The following ANO10 variants were observed in gnomAD, a reference collection of about 807,000 sequenced individuals.
The protein encoded by ANO10 is anoctamin-10.
A neutral mutation model predicts 74.7 loss-of-function variants in ANO10; 77 were observed. The observed-to-expected ratio is 1.03, with a 90% CI of 0.86 to 1.25. The LOEUF is 1.25. ANO10 is among the 50% of genes most tolerant of loss of function. The probability of loss-of-function intolerance (pLI) is 0.00; values close to 1 mark genes in which losing one functional copy is unlikely to be tolerated. For missense variants in ANO10, 721 were observed against 778.1 expected (o/e 0.93, Z 0.87); for synonymous variants, 279 against 284.9 (o/e 0.98, Z 0.21).
chr3:43,580,350 T>C lies in ANO10; in HGVS notation c.592+3A>G, dbSNP rs775510692. ...CTTTAAGAGAACAAGTACTGACACA[T>C]ACCTATGGGCTGATACTTCAAAGCA... On this transcript the variant is annotated splice_donor_region_variant and intron_variant, in intron 5 of 12. Coordinates refer to ENST00000292246, the MANE Select transcript of ANO10 (RefSeq NM_018075.5). The C allele has an allele frequency of 2.6e-5, 42 of 1,613,552 alleles. No homozygotes were observed. The highest frequency in any genetic ancestry group is 2.2e-5 in the Non-Finnish European group (26 of 1,179,794).
chr3:43,618,494 G>T (rs1458107461), intron 1 of ANO10, among the ~76,000 whole-genome samples: 6 of 152,192 alleles, frequency 3.9e-5, no homozygotes, highest in African/African-American at 1.2e-4. Context: ...TGGCATCTCA[G>T]TAGAAATGCT....
At chr3:43,378,669 C>A (rs987157686) in intron 12 of ANO10, among the ~76,000 whole-genome samples, 5 of 152,156 alleles carry the variant, frequency 3.3e-5, no homozygotes, top group African/African-American at 1.2e-4. Context: ...ACCCTTCCCC[C>A]CAGAGCAGGG....
At chr3:43,441,706 A>G (rs1433378467) in intron 11 of ANO10, among the ~76,000 whole-genome samples, 1 of 152,194 alleles carries the variant, frequency 6.6e-6, no homozygotes, top group Non-Finnish European at 1.5e-5. Flanking sequence ...TAATTTAAAA[A>G]AGAAAACTAT....
At chr3:43,402,689 C>T (rs1378991838) in intron 12 of ANO10, among the ~76,000 whole-genome samples, 3 of 152,142 alleles carry the variant, frequency 2.0e-5, no homozygotes, top group African/African-American at 4.8e-5. Context: ...TTCAAAATGG[C>T]ACCCTGCCCC....
chr3:43,491,429 G>C (rs572635186), intron 11 of ANO10, among the ~76,000 whole-genome samples: 1 of 152,100 alleles, frequency 6.6e-6, no homozygotes, highest in Non-Finnish European at 1.5e-5. Context: ...CACGAGAATC[G>C]CTTGAACCAG....
At chr3:43,415,587 G>A (rs1432759534) in intron 12 of ANO10, among the ~76,000 whole-genome samples, 3 of 151,396 alleles carry the variant, frequency 2.0e-5, no homozygotes, top group Non-Finnish European at 4.4e-5. Flanking sequence ...GCCCAGGCTG[G>A]AGTGCAGTGA....
chr3:43,677,858 G>T (rs914434895), intron 1 of ANO10, among the ~76,000 whole-genome samples: 1 of 152,202 alleles, frequency 6.6e-6, no homozygotes, highest in African/African-American at 2.4e-5. Flanking sequence ...AGATTCTTAA[G>T]TTTCAGCATT....
Position 43,366,419 on chromosome 3 carries a change from A to G in ANO10, c.*487T>C, listed in dbSNP as rs1194065442. 3.0e-5 allele frequency: 7 copies of G among 233,176 alleles called. No homozygotes were observed. The highest frequency in any genetic ancestry group is 6.0e-5 in the Non-Finnish European group (7 of 116,520). The allele number at this position is 233,176 out of a possible 1,614,324, so 14.4% of individuals were successfully genotyped here. ...TGTTAATGTATTGCAAAAGAGAACC[A>G]GGAAAGAGGTCCAGTGTGGGAAGCA... On this transcript the variant is annotated 3_prime_UTR_variant, in exon 13 of 13. Transcript: ENST00000292246.
At chr3:43,547,713 T>TA (rs1391185024) in intron 11 of ANO10, among the ~76,000 whole-genome samples, 1 of 152,212 alleles carries the variant, frequency 6.6e-6, no homozygotes, top group Non-Finnish European at 1.5e-5. Flanking sequence ...AACACGAGAC[T>TA]AGCCACCTGC....
intron 8 of ANO10, among the ~76,000 whole-genome samples, chr3:43,564,925 T>C (rs1056178565): frequency 1.3e-5 from 2 of 152,200 alleles, no homozygotes; most frequent in African/African-American, 4.8e-5. Context: ...AGAAGTCACA[T>C]CCAACTAATA....
intron 11 of ANO10, among the ~76,000 whole-genome samples, chr3:43,453,636 A>G (rs1364651833): frequency 6.6e-6 from 1 of 152,160 alleles, no homozygotes; most frequent in African/African-American, 2.4e-5. Context: ...TATTTTTTGC[A>G]TATAGTGTGG....
At chr3:43,414,940 C>A (rs901908133) in intron 12 of ANO10, among the ~76,000 whole-genome samples, 2 of 150,180 alleles carry the variant, frequency 1.3e-5, no homozygotes, top group Non-Finnish European at 3.0e-5. Flanking sequence ...TACTTCCTCA[C>A]CCTGTATGGT....
intron 4 of ANO10, among the ~76,000 whole-genome samples, chr3:43,583,685 T>C (rs77447893): frequency 0.039 from 5,946 of 152,276 alleles, 164 homozygotes; most frequent in Non-Finnish European, 0.058. Context: ...TAAGCACAGA[T>C]GCCCGCAGGA....
chr3:43,622,914 G>A (rs980369852), upstream of ANO10, among the ~76,000 whole-genome samples: 1 of 152,202 alleles, frequency 6.6e-6, no homozygotes, highest in Non-Finnish European at 1.5e-5. Context: ...CACCCAGGCT[G>A]GAGTGCAGTG....
chr3:43,616,438 G>C lies in ANO10; in HGVS notation c.-12+5471C>G, dbSNP rs542450050. On this transcript the variant is annotated intron_variant, in intron 1 of 12. Coordinates refer to ENST00000292246, the MANE Select transcript of ANO10 (RefSeq NM_018075.5). ...CCCTCATCATCAAAAAATAACACTA[G>C]CCTTGCTACAATCATGCAGGTGCAT... 7.3e-4 allele frequency among the ~76,000 whole-genome samples: 111 copies of C among 152,284 alleles called. 1 individual carries two copies. Among genetic ancestry groups the C allele is most frequent in the African/African-American group, 2.6e-3 (107 of 41,546 alleles).
At chr3:43,564,135 C>T (rs540829040) in intron 8 of ANO10, among the ~76,000 whole-genome samples, 13 of 152,082 alleles carry the variant, frequency 8.5e-5, no homozygotes, top group African/African-American at 2.4e-4. Flanking sequence ...CAGGCTCAGA[C>T]AATCCTCCCA....
At chr3:43,539,481 G>A (rs757679017) in intron 11 of ANO10, among the ~76,000 whole-genome samples, 1 of 152,224 alleles carries the variant, frequency 6.6e-6, no homozygotes, top group Non-Finnish European at 1.5e-5. Flanking sequence ...CAAGAATGAG[G>A]TTAGCAAGCA....
chr3:43,406,348 A>G (rs1294311178), intron 12 of ANO10, among the ~76,000 whole-genome samples: 5 of 152,224 alleles, frequency 3.3e-5, no homozygotes, highest in Non-Finnish European at 7.3e-5. Flanking sequence ...CTCACTCACC[A>G]CATTCAGCTC....
intron 11 of ANO10, among the ~76,000 whole-genome samples, chr3:43,494,781 T>C (rs2149128456): frequency 6.6e-6 from 1 of 152,256 alleles, no homozygotes; most frequent in Middle Eastern, 3.4e-3. Context: ...TAATAAGTCA[T>C]TGACAGAGAC....
Sources: allele counts gnomAD v4.1 joint callset (sites outside exome capture counted in the v4.1 genomes callset), GRCh38; gene constraint gnomAD v4.1.1; transcripts MANE v1.5; gene names NCBI Gene and HGNC (gene_info 2026-07-23, HGNC 2026-07-21).